Variants in KIF26B observed in about 807,000 individuals in gnomAD.
KIF26B encodes the protein kinesin-like protein KIF26B.
KIF26B carries 63 observed loss-of-function variants against 151.2 expected under a neutral mutation model. The observed-to-expected ratio is 0.42, with a 90% CI of 0.34 to 0.51. The LOEUF (loss-of-function observed/expected upper bound fraction) is 0.51. KIF26B is among the 20% of genes least tolerant of loss of function. The pLI is 0.07. For missense variants in KIF26B, 2,813 were observed against 2,913.6 expected (o/e 0.97, Z 0.79); for synonymous variants, 1,357 against 1,262.1 (o/e 1.08, Z -1.59).
intron 3 of KIF26B, among the ~76,000 whole-genome samples, chr1:245,371,050 C>T (rs1038807977): frequency 1.3e-5 from 2 of 152,176 alleles, no homozygotes; most frequent in Non-Finnish European, 2.9e-5. Context: ...AAGCCAGATA[C>T]AACCAAGATT....
intron 3 of KIF26B, among the ~76,000 whole-genome samples, chr1:245,405,909 A>C (rs150590018): frequency 9.2e-5 from 14 of 152,354 alleles, no homozygotes; most frequent in Non-Finnish European, 2.1e-4. Flanking sequence ...ACTCTGGAAC[A>C]ATCAGCTGAC....
chr1:245,629,327 C>G (rs1252374398), intron 9 of KIF26B, among the ~76,000 whole-genome samples: 1 of 152,058 alleles, frequency 6.6e-6, no homozygotes, highest in Non-Finnish European at 1.5e-5. Context: ...GGAGGCATCA[C>G]GCTACCTGAC....
Position 245,504,603 on chromosome 1 carries a change from C to T in KIF26B, c.1167-36164C>T, listed in dbSNP as rs533606829. 1.5e-4 allele frequency among the ~76,000 whole-genome samples: 23 copies of T among 152,032 alleles called. No homozygotes were observed. The East Asian group carries it at 4.5e-3, about 29-fold the overall frequency. On this transcript the variant is annotated intron_variant, in intron 4 of 14. Transcript: ENST00000407071. ...TGCAGGTCCACACCACCACTCCCAG[C>T]TAGTTTTTTAATTTTTTTGTGCAGA...
intron 9 of KIF26B, among the ~76,000 whole-genome samples, chr1:245,639,236 C>T: frequency 6.6e-6 from 1 of 151,550 alleles, no homozygotes. Context: ...TCCATTTTTT[C>T]CTAGATTTTC....
At chr1:245,462,408 C>T (rs1472051) in intron 4 of KIF26B, among the ~76,000 whole-genome samples, 36,195 of 152,104 alleles carry the variant, frequency 0.24, 5,007 homozygotes, top group Admixed American at 0.3. Flanking sequence ...GTGCTAAAGT[C>T]GAGTTTTGCA....
intron 2 of KIF26B, among the ~76,000 whole-genome samples, chr1:245,348,510 G>T (rs557579392): frequency 6.6e-6 from 1 of 152,258 alleles, no homozygotes; most frequent in Non-Finnish European, 1.5e-5. Flanking sequence ...GGGCCCTCTT[G>T]TTCATAGATG....
rs138805636 is a variant in KIF26B, at chr1:245,671,567, A to G, written c.2259-12666A>G. 2.4e-3 allele frequency among the ~76,000 whole-genome samples: 370 copies of G among 152,328 alleles called. 1 individual carries two copies. Among genetic ancestry groups the G allele is most frequent in the Middle Eastern group, 6.8e-3 (2 of 294 alleles). ...TAAAGGATGTGATGGTTGCACAACAATGTGAACGGGCGCAATGCCACTAAA... is the reference window on the plus strand; with the variant it reads ...TAAAGGATGTGATGGTTGCACAACAGTGTGAACGGGCGCAATGCCACTAAA... On this transcript the variant is annotated intron_variant, in intron 10 of 14. Coordinates refer to ENST00000407071, the MANE Select transcript of KIF26B (RefSeq NM_018012.4).
intron 9 of KIF26B, among the ~76,000 whole-genome samples, chr1:245,645,631 G>A (rs917681909): frequency 2.0e-5 from 3 of 152,238 alleles, no homozygotes; most frequent in South Asian, 2.1e-4. Context: ...GCACCTGGTC[G>A]TTACTTCTTC....
At chr1:245,569,820 T>C (rs897617544) in intron 5 of KIF26B, among the ~76,000 whole-genome samples, 1 of 148,888 alleles carries the variant, frequency 6.7e-6, no homozygotes, top group Admixed American at 6.7e-5. Context: ...AACACCTTGA[T>C]TGATGATCCA....
chr1:245,544,283 G>T (rs895338569), intron 5 of KIF26B, among the ~76,000 whole-genome samples: 1 of 152,174 alleles, frequency 6.6e-6, no homozygotes, highest in African/African-American at 2.4e-5. Context: ...AAATCGGCAG[G>T]TTTGAGGTAG....
chr1:245,540,319 G>T lies in KIF26B; in HGVS notation c.1167-448G>T, dbSNP rs892834816. The stretch of plus-strand genomic sequence containing the variant: ...CCCTGTACATAGCATGCCTTGACTG[G>T]TCTCCACATCGTTCTTCATCAGACT... On this transcript the variant is annotated intron_variant, in intron 4 of 14. Coordinates refer to ENST00000407071, the MANE Select transcript of KIF26B (RefSeq NM_018012.4). The surrounding 1 kb of genome is among the most constrained non-coding windows in gnomAD (Gnocchi z 4.6). Among the ~76,000 whole-genome samples, 2 of 152,236 alleles carry T rather than the reference G, an allele frequency of 1.3e-5. No individual in the cohort carries two copies. The highest frequency in any genetic ancestry group is 3.9e-4 in the East Asian group (2 of 5,182).
At chr1:245,559,043 C>T (rs972145671) in intron 5 of KIF26B, among the ~76,000 whole-genome samples, 5 of 152,160 alleles carry the variant, frequency 3.3e-5, no homozygotes, top group African/African-American at 4.8e-5. Context: ...TGTGCGGACA[C>T]GTGGCATTTA....
chr1:245,292,703 T>G (rs1035795566), intron 2 of KIF26B, among the ~76,000 whole-genome samples: 2 of 152,210 alleles, frequency 1.3e-5, no homozygotes, highest in Admixed American at 1.3e-4. Context: ...GCAGCATTTC[T>G]CTAACTTCAC....
chr1:245,384,185 T>TTCTCTCCACAGTCACCAAGTCCACTG (rs1335602575), intron 3 of KIF26B, among the ~76,000 whole-genome samples: 1 of 152,100 alleles, frequency 6.6e-6, no homozygotes, highest in Non-Finnish European at 1.5e-5. Context: ...GAGGCTGTTT[T>TTCTCTCCACAGTCACCAAGTCCACTG]TCTCTCCACA....
At chr1:245,342,159 T>A (rs1012472442) in intron 2 of KIF26B, among the ~76,000 whole-genome samples, 1 of 152,208 alleles carries the variant, frequency 6.6e-6, no homozygotes, top group Admixed American at 6.5e-5. Flanking sequence ...TGGATGGTGA[T>A]ATTAAATACA....
chr1:245,657,481 G>T (rs2044087841), intron 10 of KIF26B, among the ~76,000 whole-genome samples: 1 of 152,106 alleles, frequency 6.6e-6, no homozygotes, highest in Non-Finnish European at 1.5e-5. Context: ...CCACATAGCT[G>T]CCAGAAGGCC....
intron 2 of KIF26B, among the ~76,000 whole-genome samples, chr1:245,247,222 C>T (rs1031859245): frequency 6.6e-6 from 1 of 150,780 alleles, no homozygotes; most frequent in Non-Finnish European, 1.5e-5. Context: ...AGGCCAAGGC[C>T]GGTGGATCAC....
At chr1:245,183,346 T>A (rs1668940492) in intron 2 of KIF26B, among the ~76,000 whole-genome samples, 1 of 152,200 alleles carries the variant, frequency 6.6e-6, no homozygotes, top group Admixed American at 6.5e-5. Context: ...TTTATTGCTT[T>A]TGGTATCTAA....
At chr1:245,416,280 C>CAA (rs34744401) in intron 3 of KIF26B, among the ~76,000 whole-genome samples, 12,862 of 50,746 alleles carry the variant, frequency 0.25, 895 homozygotes, top group Non-Finnish European at 0.32. Flanking sequence ...AACTCTGTCT[C>CAA]AAAAAAAAAA....
Sources: allele counts gnomAD v4.1 joint callset (sites outside exome capture counted in the v4.1 genomes callset), GRCh38; gene constraint gnomAD v4.1.1; non-coding constraint Gnocchi (gnomAD v3.1); transcripts MANE v1.5; gene names NCBI Gene and HGNC (gene_info 2026-07-23, HGNC 2026-07-21).